The following BLOC1S5 variants were observed in gnomAD, a reference collection of about 807,000 sequenced individuals.
BLOC1S5 encodes the protein biogenesis of lysosomal organelles complex 1 subunit 5.
BLOC1S5 carries 27 observed loss-of-function variants against 24.3 expected under a neutral mutation model. That is an observed-to-expected ratio of 1.11 (90% CI 0.82 to 1.53). The LOEUF (loss-of-function observed/expected upper bound fraction) is 1.53. Among genes scored for constraint, BLOC1S5 ranks in the 40% most tolerant of loss-of-function variants. BLOC1S5 has a pLI of 0.00. For missense variants in BLOC1S5, 239 were observed against 229.4 expected (o/e 1.04, Z -0.27); for synonymous variants, 84 against 74.5 (o/e 1.13, Z -0.66).
At chr6:8,058,676 C>T (rs994114720) in intron 2 of BLOC1S5, among the ~76,000 whole-genome samples, 8 of 152,020 alleles carry the variant, frequency 5.3e-5, no homozygotes, top group African/African-American at 1.2e-4. Flanking sequence ...GGTTACAGAG[C>T]GTGACCCTGT....
intron 4 of BLOC1S5, among the ~76,000 whole-genome samples, chr6:8,016,734 C>T (rs1305832647): frequency 1.3e-5 from 2 of 151,710 alleles, no homozygotes; most frequent in East Asian, 1.9e-4. Flanking sequence ...GGTGTGGTGG[C>T]GTGCACCTGT....
At chr6:8,034,139 A>G (rs957296256) in intron 3 of BLOC1S5, among the ~76,000 whole-genome samples, 1 of 152,218 alleles carries the variant, frequency 6.6e-6, no homozygotes, top group Non-Finnish European at 1.5e-5. Context: ...GTATGTACCC[A>G]AAGGATTATA....
At chr6:8,063,556 A>T (rs1757335583) in intron 1 of BLOC1S5, among the ~76,000 whole-genome samples, 1 of 152,196 alleles carries the variant, frequency 6.6e-6, no homozygotes. Context: ...AATGAATTTT[A>T]TTAGTACATA....
At chr6:8,036,201 C>G (rs2113551074) in intron 3 of BLOC1S5, among the ~76,000 whole-genome samples, 1 of 152,138 alleles carries the variant, frequency 6.6e-6, no homozygotes, top group African/African-American at 2.4e-5. Context: ...ATACCCAAAT[C>G]TATGGGATAC....
intron 2 of BLOC1S5, among the ~76,000 whole-genome samples, chr6:8,057,815 A>G (rs1213404732): frequency 6.6e-6 from 1 of 152,186 alleles, no homozygotes; most frequent in African/African-American, 2.4e-5. Flanking sequence ...TTTGTCTCTA[A>G]TTTTAACCAA....
intron 4 of BLOC1S5, among the ~76,000 whole-genome samples, chr6:8,025,249 G>C (rs1014104085): frequency 6.6e-6 from 1 of 152,122 alleles, no homozygotes; most frequent in Non-Finnish European, 1.5e-5. Context: ...TAACAAAATC[G>C]ATCATCCCCT....
chr6:8,016,903 C>T (rs1392263447), intron 4 of BLOC1S5, among the ~76,000 whole-genome samples: 2 of 120,480 alleles, frequency 1.7e-5, no homozygotes, highest in African/African-American at 5.7e-5. Flanking sequence ...AAAGAAATCT[C>T]CTCTGGGTCA....
rs777613363 is a variant in BLOC1S5, at chr6:8,062,492, C to T, written c.195+42G>A. Reference sequence around the variant, plus strand: ...TCTCTTCTGTATAATAACACACTAACAATTAGGGAAGTACTTTTATAAAAT... The same window carrying T: ...TCTCTTCTGTATAATAACACACTAATAATTAGGGAAGTACTTTTATAAAAT... On this transcript the variant is annotated intron_variant, in intron 2 of 4. Transcript: ENST00000397457. The T allele has an allele frequency of 8.8e-6, 11 of 1,250,294 alleles. No individual in the cohort carries two copies. In the South Asian group the frequency reaches 1.5e-4, roughly 17 times the overall value. The allele number at this position is 1,250,294 out of a possible 1,614,324, so 77.5% of individuals were successfully genotyped here. A position where few individuals can be genotyped will look rare whatever the true frequency, so the allele number is the denominator to read the frequency against.
chr6:8,027,225 T>A (rs1427290028), intron 3 of BLOC1S5: 1 of 385,180 alleles, frequency 2.6e-6, no homozygotes, highest in African/African-American at 2.1e-5. Flanking sequence ...AATAAAGACA[T>A]GTAGTGTGCA....
chr6:8,052,885 G>A (rs756878922), intron 2 of BLOC1S5, among the ~76,000 whole-genome samples: 127 of 146,618 alleles, frequency 8.7e-4, no homozygotes, highest in Non-Finnish European at 1.5e-3. Context: ...GCAACAGAGC[G>A]AGACTCTGTC....
chr6:8,027,789 C>T (rs1763159660), intron 3 of BLOC1S5, among the ~76,000 whole-genome samples: 1 of 149,262 alleles, frequency 6.7e-6, no homozygotes, highest in Non-Finnish European at 1.5e-5. Flanking sequence ...TGCCACTGCA[C>T]TCCAGCCTGG....
At chr6:8,063,369 G>A (rs1757330737) in intron 1 of BLOC1S5, among the ~76,000 whole-genome samples, 1 of 152,060 alleles carries the variant, frequency 6.6e-6, no homozygotes, top group East Asian at 1.9e-4. Context: ...TAAGTCTTTT[G>A]GTGAGTCAGT....
intron 3 of BLOC1S5, among the ~76,000 whole-genome samples, chr6:8,029,480 T>C (rs1763223268): frequency 6.6e-6 from 1 of 152,198 alleles, no homozygotes; most frequent in African/African-American, 2.4e-5. Flanking sequence ...TGTCCCTGCC[T>C]TAACCCATGG....
intron 3 of BLOC1S5, among the ~76,000 whole-genome samples, chr6:8,038,135 A>T (rs1763549557): frequency 6.6e-6 from 1 of 152,202 alleles, no homozygotes; most frequent in African/African-American, 2.4e-5. Flanking sequence ...AAGGCAACCA[A>T]AGCAAAAACA....
intron 2 of BLOC1S5, among the ~76,000 whole-genome samples, chr6:8,061,497 C>T (rs1377208696): frequency 1.3e-5 from 2 of 152,092 alleles, no homozygotes; most frequent in Non-Finnish European, 2.9e-5. Flanking sequence ...AGGTCCCAGA[C>T]AATATTCTAA....
intron 1 of BLOC1S5, among the ~76,000 whole-genome samples, chr6:8,063,481 G>A (rs1358747936): frequency 3.3e-5 from 5 of 152,148 alleles, no homozygotes. Context: ...TTCATTCACT[G>A]GCAATGTTCC....
chr6:8,042,614 CATT>C (rs1269256799), intron 2 of BLOC1S5, among the ~76,000 whole-genome samples: 1 of 151,580 alleles, frequency 6.6e-6, no homozygotes, highest in African/African-American at 2.4e-5. Context: ...TTCCTTAAAA[CATT>C]ATGAGATTTT....
intron 4 of BLOC1S5, among the ~76,000 whole-genome samples, chr6:8,023,470 A>C (rs1762995642): frequency 6.6e-6 from 1 of 152,100 alleles, no homozygotes; most frequent in Admixed American, 6.5e-5. Flanking sequence ...TGCGCCTGTA[A>C]TCCCAGCTAC....
chr6:8,038,503 T>TTA (rs1763566166), intron 3 of BLOC1S5, among the ~76,000 whole-genome samples: 1 of 144,914 alleles, frequency 6.9e-6, no homozygotes, highest in Non-Finnish European at 1.6e-5. Context: ...TAATTAATTA[T>TTA]TGACGGAGTC....
Sources: allele counts gnomAD v4.1 joint callset (sites outside exome capture counted in the v4.1 genomes callset), GRCh38; gene constraint gnomAD v4.1.1; transcripts MANE v1.5; gene names NCBI Gene and HGNC (gene_info 2026-07-23, HGNC 2026-07-21).